The following GABRG3 variants were observed in gnomAD, a reference collection of about 807,000 sequenced individuals.
The protein encoded by GABRG3 is gamma-aminobutyric acid type A receptor subunit gamma3, also known as gamma-aminobutyric acid receptor subunit gamma-3.
Under a neutral mutation model 48.8 loss-of-function variants are expected in GABRG3, and 25 were observed. The observed-to-expected ratio is 0.51, with a 90% CI of 0.37 to 0.72. The LOEUF (loss-of-function observed/expected upper bound fraction) is 0.72. Ranked by LOEUF, GABRG3 falls within the 30% of genes least tolerant of loss-of-function variation. The pLI is 0.00. For synonymous variants in GABRG3, 227 were observed against 217.6 expected (o/e 1.04, Z -0.38); for missense variants, 394 against 577.9 (o/e 0.68, Z 3.26).
Position 27,274,193 on chromosome 15 carries a change from A to G in GABRG3, c.271-52616A>G, listed in dbSNP as rs375705006. ...GAGTAGTGACTGGAAGTGACAATCC[A>G]TGTGCCATTGCATGGTCCGACTGCT... On this transcript the variant is annotated intron_variant, in intron 3 of 9. Transcript: ENST00000615808. Among the ~76,000 whole-genome samples, 9 of 152,300 alleles carry G rather than the reference A, an allele frequency of 5.9e-5. No homozygotes were observed. The East Asian group carries it at 9.7e-4, about 16-fold the overall frequency.
At chr15:27,141,219 C>T (rs1433680047) in intron 3 of GABRG3, among the ~76,000 whole-genome samples, 5 of 152,104 alleles carry the variant, frequency 3.3e-5, no homozygotes, top group East Asian at 1.9e-4. Flanking sequence ...AGAATTAGAC[C>T]GCTTTGTCTA....
chr15:27,007,824 C>T (rs1895616146), intron 2 of GABRG3, among the ~76,000 whole-genome samples: 1 of 152,006 alleles, frequency 6.6e-6, no homozygotes. Context: ...TTATTGGATG[C>T]ATAGTTTGCA....
intron 3 of GABRG3, among the ~76,000 whole-genome samples, chr15:27,077,843 C>T (rs1004088457): frequency 1.3e-5 from 2 of 152,188 alleles, no homozygotes. Flanking sequence ...AAAAAGTTAG[C>T]ACTAAGATTG....
At chr15:27,458,008 C>T (rs900813237) in intron 5 of GABRG3, among the ~76,000 whole-genome samples, 5 of 152,124 alleles carry the variant, frequency 3.3e-5, no homozygotes, top group Non-Finnish European at 7.4e-5. Flanking sequence ...ACTCCTTGGA[C>T]GGTGCAGGAA....
At chr15:27,123,259 C>T (rs1466823373) in intron 3 of GABRG3, among the ~76,000 whole-genome samples, 2 of 152,140 alleles carry the variant, frequency 1.3e-5, no homozygotes, top group Non-Finnish European at 2.9e-5. Flanking sequence ...GACTCTTGGA[C>T]ATTGTTATGG....
chr15:27,136,221 G>A (rs544932313), intron 3 of GABRG3, among the ~76,000 whole-genome samples: 9 of 152,320 alleles, frequency 5.9e-5, no homozygotes, highest in Admixed American at 3.9e-4. Flanking sequence ...GCTCTGAAGA[G>A]CTATACTTGT....
In GABRG3 at chr15:27,533,174, A is replaced by C; in HGVS notation, c.*293A>C. On this transcript the variant is annotated 3_prime_UTR_variant, in exon 10 of 10. Coordinates refer to ENST00000615808, the MANE Select transcript of GABRG3 (RefSeq NM_033223.5). ...TGAATGGTTTTTGGATATTGGAAGC[A>C]GCCGCTGATTACCCTTGCAAAGAAA... 3.0e-6 allele frequency: 1 copy of C among 334,758 alleles called. No homozygotes were observed. 20.7% of individuals were successfully genotyped at this position (334,758 alleles called of 1,614,324 possible).
intron 2 of GABRG3, among the ~76,000 whole-genome samples, chr15:26,977,948 T>C (rs1408711065): frequency 6.6e-6 from 1 of 152,232 alleles, no homozygotes; most frequent in Admixed American, 6.5e-5. Flanking sequence ...CAGCAATATC[T>C]GAGAGATCCA....
chr15:27,233,727 A>T (rs1595602164), intron 3 of GABRG3, among the ~76,000 whole-genome samples: 1 of 152,148 alleles, frequency 6.6e-6, no homozygotes, highest in Non-Finnish European at 1.5e-5. Context: ...AAGTGAACCC[A>T]CTACATGAAC....
intron 5 of GABRG3, among the ~76,000 whole-genome samples, chr15:27,338,755 G>A (rs1010333443): frequency 6.6e-6 from 1 of 152,200 alleles, no homozygotes; most frequent in Admixed American, 6.5e-5. Flanking sequence ...GACTGGCCGT[G>A]CAGAGGTACA....
chr15:27,045,762 A>G (rs1949137721), intron 3 of GABRG3, among the ~76,000 whole-genome samples: 1 of 152,274 alleles, frequency 6.6e-6, no homozygotes, highest in African/African-American at 2.4e-5. Flanking sequence ...CTTTTTGGAG[A>G]CAGGGAACCA....
chr15:27,123,995 C>T (rs959159263), intron 3 of GABRG3, among the ~76,000 whole-genome samples: 3 of 152,166 alleles, frequency 2.0e-5, no homozygotes. Context: ...GCTGACTCAG[C>T]CCTGCCTTGG....
At chr15:27,498,751 C>G (rs1186250616) in intron 6 of GABRG3, among the ~76,000 whole-genome samples, 1 of 152,098 alleles carries the variant, frequency 6.6e-6, no homozygotes, top group Non-Finnish European at 1.5e-5. Context: ...GGTAATCCAC[C>G]CACCTCAGCC....
chr15:27,264,976 TC>T (rs775021589), intron 3 of GABRG3, among the ~76,000 whole-genome samples: 58 of 152,108 alleles, frequency 3.8e-4, no homozygotes, highest in Non-Finnish European at 7.1e-4. Context: ...ACCCTATTCC[TC>T]TAATTTCTAC....
chr15:27,329,979 C>A (rs550841041), intron 5 of GABRG3, among the ~76,000 whole-genome samples: 2 of 152,240 alleles, frequency 1.3e-5, no homozygotes, highest in African/African-American at 4.8e-5. Context: ...TGGTGGCTCA[C>A]GCCTGTAATC....
intron 5 of GABRG3, among the ~76,000 whole-genome samples, chr15:27,385,138 A>T (rs1287764023): frequency 6.6e-6 from 1 of 151,518 alleles, no homozygotes; most frequent in African/African-American, 2.4e-5. Context: ...TCCTAGGGTT[A>T]TTTAGCTAAT....
chr15:27,495,366 T>A (rs905038520), intron 6 of GABRG3, among the ~76,000 whole-genome samples: 3 of 152,252 alleles, frequency 2.0e-5, no homozygotes, highest in Admixed American at 1.3e-4. Flanking sequence ...AATTCATTCA[T>A]GCTTTGATGG....
rs575126064 is a variant in GABRG3 at position 27,109,740 on chromosome 15, G to C, written c.270+82919G>C. ...CTACTAAAAGTACAACAATTAGCCG[G>C]ATGTGGTGGCACGTGTCTGTGGTCC... On this transcript the variant is annotated intron_variant, in intron 3 of 9. Coordinates refer to ENST00000615808, the MANE Select transcript of GABRG3 (RefSeq NM_033223.5). 5.9e-5 allele frequency among the ~76,000 whole-genome samples: 9 copies of C among 152,288 alleles called. No homozygotes were observed. In the East Asian group the frequency reaches 1.5e-3, roughly 26 times the overall value.
rs1423686612 is a variant in GABRG3 at position 27,136,888 on chromosome 15, C to T, written c.270+110067C>T. 6.6e-5 allele frequency among the ~76,000 whole-genome samples: 10 copies of T among 152,108 alleles called. No individual in the cohort carries two copies. In the South Asian group the frequency reaches 2.1e-3, roughly 32 times the overall value. ...ACAGCCCTAACCTAGGGGGCTCTCTCCTGTCGCCCCCGCCTCCAGGTCACT... is the reference window on the plus strand; with the variant it reads ...ACAGCCCTAACCTAGGGGGCTCTCTTCTGTCGCCCCCGCCTCCAGGTCACT... On this transcript the variant is annotated intron_variant, in intron 3 of 9. Coordinates refer to ENST00000615808, the MANE Select transcript of GABRG3 (RefSeq NM_033223.5).
Sources: allele counts gnomAD v4.1 joint callset (sites outside exome capture counted in the v4.1 genomes callset), GRCh38; gene constraint gnomAD v4.1.1; transcripts MANE v1.5; gene names NCBI Gene and HGNC (gene_info 2026-07-23, HGNC 2026-07-21).